ARMC9: variants seen among roughly 807,000 people sequenced by gnomAD.
ARMC9 encodes armadillo repeat containing 9.
Under a neutral mutation model 107.0 loss-of-function variants are expected in ARMC9, and 94 were observed. That is an observed-to-expected ratio of 0.88 (90% confidence interval 0.74 to 1.04). The LOEUF (loss-of-function observed/expected upper bound fraction) is 1.04. Ranked by LOEUF, ARMC9 falls within the 50% of genes least tolerant of loss-of-function variation. ARMC9 has a pLI of 0.00. For synonymous variants in ARMC9, 380 were observed against 396.9 expected, an observed-to-expected ratio of 0.96 and a Z score of 0.51; for missense variants, 942 against 1,030.1, an observed-to-expected ratio of 0.91 and a Z score of 1.17.
chr2:231,256,502 T>G (rs1201891171), intron 9 of ARMC9, 84 bp from the exon 10 acceptor site: 24 of 1,528,796 alleles, frequency 1.6e-5, no homozygotes, highest in Non-Finnish European at 2.1e-5. Context: ...ATCTGTTGAT[T>G]CCATGCTATT....
At chr2:231,204,381 T>G (rs1258528676) in intron 1 of ARMC9, among the ~76,000 whole-genome samples, 1 of 152,078 alleles carries the variant, frequency 6.6e-6, no homozygotes, top group African/African-American at 2.4e-5. Context: ...GCAGAGCTCT[T>G]CAGCCTGAGG....
At chr2:231,359,212 G>A (rs2045469460) in intron 22 of ARMC9, among the ~76,000 whole-genome samples, 1 of 151,410 alleles carries the variant, frequency 6.6e-6, no homozygotes. Flanking sequence ...TCAGCCTCCT[G>A]AGTAGCTGGG....
intron 11 of ARMC9, 135 bp downstream of exon 11, chr2:231,259,237 G>T (rs1041212167): frequency 1.3e-6 from 1 of 747,226 alleles, no homozygotes; most frequent in Admixed American, 2.9e-5. Flanking sequence ...ACCAAGAACG[G>T]AAGTCAAAAG....
At position 231,263,253 on chromosome 2, in the gene ARMC9, G is replaced by A. The variant is rs150317716; in HGVS notation, c.1119+855G>A. Among the ~76,000 whole-genome samples, 169 of 152,306 alleles carry A rather than the reference G, an allele frequency of 1.1e-3. 1 individual carries two copies. The highest frequency in any genetic ancestry group is 3.5e-3 in the African/African-American group (144 of 41,564). On this transcript the variant is annotated intron_variant, in intron 12 of 24. Coordinates refer to ENST00000611582, the MANE Select transcript of ARMC9 (RefSeq NM_001352754.2). Reference sequence around the variant, plus strand: ...GTATCAAATGCTCTGGACACTCACCGATTAAACAGCTGTCTTAGGCCATTT... The same window carrying A: ...GTATCAAATGCTCTGGACACTCACCAATTAAACAGCTGTCTTAGGCCATTT...
intron 19 of ARMC9, among the ~76,000 whole-genome samples, chr2:231,325,949 C>T (rs2043290679): frequency 1.3e-5 from 2 of 152,132 alleles, no homozygotes; most frequent in African/African-American, 4.8e-5. Context: ...TGAGCCTGGG[C>T]CCTGGGTGGG....
At chr2:231,330,852 G>A (rs529282414) in intron 19 of ARMC9, among the ~76,000 whole-genome samples, 2 of 152,202 alleles carry the variant, frequency 1.3e-5, no homozygotes, top group Non-Finnish European at 2.9e-5. Flanking sequence ...CAGGCTTTGG[G>A]GGGCTTTTTT....
At chr2:231,337,692 A>G (rs1322498219) in intron 20 of ARMC9, among the ~76,000 whole-genome samples, 2 of 151,560 alleles carry the variant, frequency 1.3e-5, no homozygotes, top group African/African-American at 4.8e-5. Flanking sequence ...CTGGTCTCGA[A>G]CTCCTGACCT....
At chr2:231,228,898 A>G (rs1001785902) in intron 7 of ARMC9, among the ~76,000 whole-genome samples, 3 of 152,026 alleles carry the variant, frequency 2.0e-5, no homozygotes, top group African/African-American at 7.3e-5. Context: ...CATACACTGC[A>G]TTTTTGAGCA....
At chr2:231,304,320 T>C (rs1293251246) in intron 19 of ARMC9, among the ~76,000 whole-genome samples, 3 of 152,256 alleles carry the variant, frequency 2.0e-5, no homozygotes, top group African/African-American at 7.2e-5. Context: ...ATAGCTCTTT[T>C]ACCCATGCAG....
chr2:231,235,468 C>A, intron 8 of ARMC9, 87 bp downstream of exon 8: 1 of 1,466,414 alleles, frequency 6.8e-7, no homozygotes, highest in Non-Finnish European at 9.1e-7. Flanking sequence ...GCAGGTGGAG[C>A]CTGCCTCTCT....
intron 19 of ARMC9, among the ~76,000 whole-genome samples, chr2:231,312,862 G>A (rs2042435385): frequency 6.6e-6 from 1 of 152,152 alleles, no homozygotes; most frequent in Admixed American, 6.6e-5. Context: ...AGTGCCTTGG[G>A]TGTATAGTAT....
intron 6 of ARMC9, among the ~76,000 whole-genome samples, chr2:231,223,605 G>A (rs867884833): frequency 1.6e-4 from 25 of 152,114 alleles, no homozygotes; most frequent in Admixed American, 1.5e-3. Context: ...GAAAAATTTA[G>A]GCTACTTTGC....
intron 20 of ARMC9, among the ~76,000 whole-genome samples, chr2:231,338,239 A>T (rs555649929): frequency 0.053 from 7,769 of 147,562 alleles, 642 homozygotes; most frequent in African/African-American, 0.18. Context: ...TTTTTTTTTT[A>T]AAACAGTCTT....
chr2:231,299,311 G>T (rs951565343), intron 19 of ARMC9, among the ~76,000 whole-genome samples: 1 of 152,160 alleles, frequency 6.6e-6, no homozygotes, highest in South Asian at 2.1e-4. Flanking sequence ...AATGTATAAA[G>T]ACACAGGGCT....
chr2:231,222,450 G>A (rs983779819), intron 5 of ARMC9, among the ~76,000 whole-genome samples: 1 of 152,156 alleles, frequency 6.6e-6, no homozygotes, highest in Non-Finnish European at 1.5e-5. Context: ...TGTCACGACT[G>A]TGTTTAAATC....
intron 7 of ARMC9, among the ~76,000 whole-genome samples, chr2:231,229,936 C>T (rs540646355): frequency 1.3e-5 from 2 of 152,118 alleles, no homozygotes; most frequent in East Asian, 1.9e-4. Flanking sequence ...GCTTGAGTGG[C>T]GGGGGAGAGA....
At chr2:231,281,747 G>C (rs183700865) in intron 16 of ARMC9, among the ~76,000 whole-genome samples, 1 of 152,278 alleles carries the variant, frequency 6.6e-6, no homozygotes, top group Admixed American at 6.5e-5. Flanking sequence ...CAAAATCAAC[G>C]ATGACTCCAG....
At chr2:231,224,069 T>C (rs2034418304) in intron 6 of ARMC9, among the ~76,000 whole-genome samples, 1 of 152,236 alleles carries the variant, frequency 6.6e-6, no homozygotes, top group African/African-American at 2.4e-5. Context: ...TTAATAATTA[T>C]GGGTGCCAAT....
intron 17 of ARMC9, 146 bp downstream of exon 17, chr2:231,282,279 C>A: frequency 1.3e-6 from 1 of 778,220 alleles, no homozygotes; most frequent in Non-Finnish European, 2.1e-6. Context: ...TGTATATTTG[C>A]CATTTCCTGG....
Sources: gnomAD v4.1 joint callset for allele counts (sites outside exome capture counted in the v4.1 genomes callset) on GRCh38, gnomAD v4.1.1 for gene constraint, MANE v1.5 for transcripts, NCBI Gene and HGNC (gene_info 2026-07-23, HGNC 2026-07-21) for gene names.